Variants in KCNIP4 observed in about 807,000 individuals in gnomAD.
The protein encoded by KCNIP4 is Kv channel-interacting protein 4.
A neutral mutation model predicts 34.0 loss-of-function variants in KCNIP4; 12 were observed. The ratio of observed to expected loss-of-function variants is 0.35; its 90% CI spans 0.23 to 0.57. KCNIP4 has a LOEUF of 0.57. KCNIP4 is among the 20% of genes least tolerant of loss of function. The pLI is 0.83. For synonymous variants in KCNIP4, 124 were observed against 102.2 expected (o/e 1.21, Z -1.29); for missense variants, 238 against 311.7 (o/e 0.76, Z 1.78).
At chr4:21,022,523 G>A (rs748636433) in intron 1 of KCNIP4, among the ~76,000 whole-genome samples, 3 of 152,342 alleles carry the variant, frequency 2.0e-5, no homozygotes, top group Admixed American at 6.5e-5. Context: ...ACAAGGTGGT[G>A]CCTTTGCACT....
intron 1 of KCNIP4, among the ~76,000 whole-genome samples, chr4:21,828,752 T>C (rs1455955600): frequency 6.6e-6 from 1 of 151,954 alleles, no homozygotes; most frequent in African/African-American, 2.4e-5. Context: ...AATAGAAGTA[T>C]ATATTCAATT....
chr4:21,690,142 T>C (rs916066910), intron 1 of KCNIP4, among the ~76,000 whole-genome samples: 38 of 147,652 alleles, frequency 2.6e-4, no homozygotes, highest in African/African-American at 9.4e-4. Flanking sequence ...ATTATATATA[T>C]ATATATACAC....
At chr4:21,195,595 A>G (rs1011356001) in intron 1 of KCNIP4, among the ~76,000 whole-genome samples, 17 of 152,256 alleles carry the variant, frequency 1.1e-4, no homozygotes, top group African/African-American at 4.1e-4. Flanking sequence ...GGTAGAAAAC[A>G]GAGGCATTGA....
At chr4:20,803,597 G>T (rs1320206482) in intron 3 of KCNIP4, among the ~76,000 whole-genome samples, 1 of 151,066 alleles carries the variant, frequency 6.6e-6, no homozygotes, top group African/African-American at 2.4e-5. Context: ...GGTGGAGGCT[G>T]CCGTAAGCTG....
intron 1 of KCNIP4, among the ~76,000 whole-genome samples, chr4:21,111,619 G>T (rs912692228): frequency 3.9e-5 from 6 of 152,188 alleles, no homozygotes; most frequent in Non-Finnish European, 7.3e-5. Flanking sequence ...GAAAAATTCA[G>T]TGATGCCCCA....
At chr4:21,434,087 C>A (rs1207202932) in intron 1 of KCNIP4, among the ~76,000 whole-genome samples, 1 of 152,164 alleles carries the variant, frequency 6.6e-6, no homozygotes, top group African/African-American at 2.4e-5. Flanking sequence ...ATATCCCAGA[C>A]AGCTGGAAGA....
chr4:20,906,276 T>A (rs1312868049), intron 1 of KCNIP4, among the ~76,000 whole-genome samples: 1 of 152,138 alleles, frequency 6.6e-6, no homozygotes, highest in Non-Finnish European at 1.5e-5. Context: ...GTGAAACATG[T>A]TAAGGTTCTT....
intron 1 of KCNIP4, among the ~76,000 whole-genome samples, chr4:21,260,410 T>G (rs1023833509): frequency 2.6e-5 from 4 of 152,208 alleles, no homozygotes; most frequent in African/African-American, 9.6e-5. Context: ...ACTGTTAATT[T>G]AAGGCAAACA....
intron 1 of KCNIP4, among the ~76,000 whole-genome samples, chr4:21,812,319 T>A (rs902771564): frequency 5.9e-5 from 9 of 152,156 alleles, no homozygotes; most frequent in African/African-American, 2.2e-4. Context: ...TCTTTTATAA[T>A]ACCCTCCAGA....
chr4:21,134,721 T>C (rs552005457), intron 1 of KCNIP4, among the ~76,000 whole-genome samples: 27 of 152,320 alleles, frequency 1.8e-4, no homozygotes, highest in African/African-American at 5.3e-4. Flanking sequence ...TTTCTGAAAA[T>C]ATACATCCCC....
chr4:20,740,804 G>T, intron 5 of KCNIP4, among the ~76,000 whole-genome samples: 1 of 152,138 alleles, frequency 6.6e-6, no homozygotes, highest in South Asian at 2.1e-4. Flanking sequence ...AGATCCATCA[G>T]TGTGCTGTAT....
chr4:21,577,536 T>C (rs1179717864), intron 1 of KCNIP4, among the ~76,000 whole-genome samples: 8 of 151,758 alleles, frequency 5.3e-5, no homozygotes, highest in Middle Eastern at 3.2e-3. Flanking sequence ...GAGGCTGAGG[T>C]AGGAGAATCG....
chr4:20,795,620 G>A lies in KCNIP4; in HGVS notation c.289-36730C>T, dbSNP rs556064384. On this transcript the variant is annotated intron_variant, in intron 3 of 8. Transcript: ENST00000382152. ...ATCTTGATTCTATCTTTTGGGTTGC[G>A]CTCAAGCCAGTGTACCAATTTCACA... 3.6e-4 allele frequency among the ~76,000 whole-genome samples: 55 copies of A among 152,178 alleles called. 1 individual carries two copies. The highest frequency in any genetic ancestry group is 1.0e-3 in the African/African-American group (43 of 41,510).
chr4:21,586,673 G>A (rs534629792), intron 1 of KCNIP4, among the ~76,000 whole-genome samples: 143 of 152,174 alleles, frequency 9.4e-4, no homozygotes, highest in African/African-American at 3.3e-3. Flanking sequence ...AAACTGATAG[G>A]ACGGAGCCTG....
intron 1 of KCNIP4, among the ~76,000 whole-genome samples, chr4:21,942,157 G>A (rs1730237527): frequency 6.6e-6 from 1 of 152,060 alleles, no homozygotes; most frequent in South Asian, 2.1e-4. Flanking sequence ...TGAGGAAATG[G>A]GTGTATATAC....
At chr4:21,881,415 G>T (rs756447840) in intron 1 of KCNIP4, among the ~76,000 whole-genome samples, 1 of 152,076 alleles carries the variant, frequency 6.6e-6, no homozygotes, top group Non-Finnish European at 1.5e-5. Flanking sequence ...GGATAAAATA[G>T]TAAATATTAT....
intron 8 of KCNIP4, among the ~76,000 whole-genome samples, chr4:20,730,690 T>C (rs1366934093): frequency 6.6e-6 from 1 of 152,126 alleles, no homozygotes; most frequent in Non-Finnish European, 1.5e-5. Context: ...AAATGAATGG[T>C]CTCTCAATTA....
At chr4:21,093,950 C>T (rs1026622928) in intron 1 of KCNIP4, among the ~76,000 whole-genome samples, 37 of 152,008 alleles carry the variant, frequency 2.4e-4, no homozygotes, top group African/African-American at 4.8e-4. Context: ...GGCGTGGTGG[C>T]GGGCGCCTGT....
chr4:20,836,992 A>G (rs2149465629), intron 3 of KCNIP4, among the ~76,000 whole-genome samples: 1 of 151,956 alleles, frequency 6.6e-6, no homozygotes, highest in East Asian at 1.9e-4. Flanking sequence ...TCTTTTTTGC[A>G]TCAATATATA....
Sources: gnomAD v4.1 joint callset for allele counts (sites outside exome capture counted in the v4.1 genomes callset) on GRCh38, gnomAD v4.1.1 for gene constraint, MANE v1.5 for transcripts, NCBI Gene and HGNC (gene_info 2026-07-23, HGNC 2026-07-21) for gene names.